Variants in JAZF1 observed in about 807,000 individuals in gnomAD.
JAZF1 encodes JAZF zinc finger 1, also known as juxtaposed with another zinc finger protein 1.
In JAZF1, 8 loss-of-function variants were observed where a neutral mutation model predicts 26.4. That is an observed-to-expected ratio of 0.30 (90% CI 0.18 to 0.55). The LOEUF (loss-of-function observed/expected upper bound fraction) is 0.55. Among genes scored for constraint, JAZF1 ranks in the 20% least tolerant of loss-of-function variants. JAZF1 has a pLI of 0.94. For missense variants in JAZF1, 199 were observed against 322.0 expected, an observed-to-expected ratio of 0.62 and a Z score of 2.92; for synonymous variants, 126 against 122.3, an observed-to-expected ratio of 1.03 and a Z score of -0.20.
intron 1 of JAZF1, among the ~76,000 whole-genome samples, chr7:28,006,247 T>C (rs1340898378): frequency 6.6e-6 from 1 of 152,134 alleles, no homozygotes; most frequent in South Asian, 2.1e-4. Context: ...TGTGCTCCTG[T>C]AGTCCCAGCT....
chr7:27,898,286 C>CATAT (rs10638646), intron 2 of JAZF1, among the ~76,000 whole-genome samples: 2,321 of 99,572 alleles, frequency 0.023, 130 homozygotes, highest in African/African-American at 0.08. Flanking sequence ...ACGTCTAACT[C>CATAT]ATATATATAT....
intron 2 of JAZF1, among the ~76,000 whole-genome samples, chr7:27,908,411 A>G (rs1240376841): frequency 6.6e-6 from 1 of 152,228 alleles, no homozygotes; most frequent in Non-Finnish European, 1.5e-5. Context: ...TCTCAAGCTT[A>G]CAGACCTCAA....
intron 1 of JAZF1, among the ~76,000 whole-genome samples, chr7:28,173,402 C>A (rs1783502032): frequency 6.6e-6 from 1 of 152,112 alleles, no homozygotes; most frequent in South Asian, 2.1e-4. Flanking sequence ...TATACATATA[C>A]ACACATAAAT....
chr7:27,847,439 TTTGGAG>T (rs1410156998), intron 3 of JAZF1, among the ~76,000 whole-genome samples: 2 of 152,146 alleles, frequency 1.3e-5, no homozygotes, highest in Non-Finnish European at 2.9e-5. Context: ...CTTATATCCA[TTTGGAG>T]TTGATTTGTG....
intron 1 of JAZF1, among the ~76,000 whole-genome samples, chr7:28,027,709 C>A (rs905096046): frequency 1.3e-5 from 2 of 152,190 alleles, no homozygotes; most frequent in African/African-American, 4.8e-5. Context: ...CCAGGCCAGG[C>A]TGGGTACTTA....
At chr7:28,173,482 TTATA>T (rs1264194295) in intron 1 of JAZF1, among the ~76,000 whole-genome samples, 1 of 152,192 alleles carries the variant, frequency 6.6e-6, no homozygotes, top group Non-Finnish European at 1.5e-5. Flanking sequence ...CATGTATTAT[TTATA>T]TATGTGTTAG....
intron 3 of JAZF1, among the ~76,000 whole-genome samples, chr7:27,848,780 T>TTAG (rs1165236565): frequency 3.9e-5 from 6 of 152,342 alleles, no homozygotes; most frequent in Non-Finnish European, 7.4e-5. Context: ...CTCTAAGCTA[T>TTAG]TAGCTCCTTA....
At chr7:28,031,417 G>C (rs1783186982) in intron 1 of JAZF1, among the ~76,000 whole-genome samples, 1 of 152,138 alleles carries the variant, frequency 6.6e-6, no homozygotes, top group Admixed American at 6.5e-5. Context: ...GTGTTTGTGG[G>C]AAGACGCTCA....
At chr7:28,110,567 A>AAAAGGG (rs1562591046) in intron 1 of JAZF1, among the ~76,000 whole-genome samples, 1 of 103,932 alleles carries the variant, frequency 9.6e-6, no homozygotes, top group Non-Finnish European at 2.0e-5. Context: ...AAGGGAAAGG[A>AAAAGGG]AAAGGGAAAG....
chr7:28,003,791 T>C (rs920667162), intron 1 of JAZF1, among the ~76,000 whole-genome samples: 3 of 152,136 alleles, frequency 2.0e-5, no homozygotes, highest in African/African-American at 7.2e-5. Context: ...CTCTCCTATC[T>C]GCACTGAAAG....
chr7:27,930,400 G>A (rs1369565001), intron 2 of JAZF1, among the ~76,000 whole-genome samples: 2 of 152,118 alleles, frequency 1.3e-5, no homozygotes, highest in Non-Finnish European at 2.9e-5. Context: ...AAATGGCTAC[G>A]AAGAACAAGA....
chr7:27,993,655 G>A (rs1447210587), intron 1 of JAZF1, among the ~76,000 whole-genome samples: 2 of 152,110 alleles, frequency 1.3e-5, no homozygotes, highest in African/African-American at 4.8e-5. Flanking sequence ...CTTTCTAGGT[G>A]CTTAACGAGG....
chr7:28,047,344 A>C (rs1012050431), intron 1 of JAZF1, among the ~76,000 whole-genome samples: 3 of 152,136 alleles, frequency 2.0e-5, no homozygotes, highest in Non-Finnish European at 2.9e-5. Flanking sequence ...TATGAACTTT[A>C]GAAACAAACT....
intron 1 of JAZF1, among the ~76,000 whole-genome samples, chr7:28,143,376 C>A (rs991433436): frequency 6.6e-6 from 1 of 152,098 alleles, no homozygotes; most frequent in African/African-American, 2.4e-5. Context: ...TCTGGTGAAG[C>A]CTTCTCTGAC....
At chr7:27,899,570 G>T (rs1583454232) in intron 2 of JAZF1, among the ~76,000 whole-genome samples, 1 of 152,094 alleles carries the variant, frequency 6.6e-6, no homozygotes, top group South Asian at 2.1e-4. Flanking sequence ...AAGTAGCTGA[G>T]ACTACAGGCA....
intron 3 of JAZF1, among the ~76,000 whole-genome samples, chr7:27,875,744 G>A (rs1014148499): frequency 6.6e-6 from 1 of 152,124 alleles, no homozygotes; most frequent in Non-Finnish European, 1.5e-5. Flanking sequence ...CTAGTCTCTG[G>A]GATACTGGGG....
At chr7:28,049,973 T>TC (rs34145619) in intron 1 of JAZF1, among the ~76,000 whole-genome samples, 1 of 152,068 alleles carries the variant, frequency 6.6e-6, no homozygotes, top group Non-Finnish European at 1.5e-5. Flanking sequence ...CCAGCTCCTC[T>TC]CCCCTCCCTA....
intron 1 of JAZF1, among the ~76,000 whole-genome samples, chr7:28,044,980 G>A (rs1783470201): frequency 6.6e-6 from 1 of 152,144 alleles, no homozygotes; most frequent in Non-Finnish European, 1.5e-5. Flanking sequence ...CCCTAAAAGA[G>A]ATGAAATTTT....
chr7:28,053,332 T>C (rs1424752172), intron 1 of JAZF1, among the ~76,000 whole-genome samples: 1 of 152,230 alleles, frequency 6.6e-6, no homozygotes, highest in Non-Finnish European at 1.5e-5. Flanking sequence ...TTTGGATATA[T>C]ACCCAGAAGT....
Sources: allele counts gnomAD v4.1 joint callset (sites outside exome capture counted in the v4.1 genomes callset), GRCh38; gene constraint gnomAD v4.1.1; transcripts MANE v1.5; gene names NCBI Gene and HGNC (gene_info 2026-07-23, HGNC 2026-07-21).